The following CELSR1 variants were observed in gnomAD, a reference collection of about 807,000 sequenced individuals.
CELSR1 encodes adhesion G protein-coupled receptor C1.
Under a neutral mutation model 249.1 loss-of-function variants are expected in CELSR1, and 110 were observed. That is an observed-to-expected ratio of 0.44 (90% CI 0.38 to 0.52). The LOEUF is 0.52. Among genes scored for constraint, CELSR1 ranks in the 20% least tolerant of loss-of-function variants. The probability of loss-of-function intolerance (pLI) is 0.00; values close to 1 mark genes in which losing one functional copy is unlikely to be tolerated. For missense variants in CELSR1, 4,109 were observed against 4,296.4 expected (o/e 0.96, Z 1.22); for synonymous variants, 2,113 against 1,900.0 (o/e 1.11, Z -2.92).
Position 46,464,014 on chromosome 22 carries a change from G to T in CELSR1, c.3876C>A (p.Thr1292=). ...EQIYLNRTLL[T]TISTQRVLPF... is the part of the protein sequence containing the mutation. The stretch of plus-strand genomic sequence containing the variant: ...GCAGCACGCGCTGCGTGGAGATGGT[G>T]GTCAGCAGCGTCCGATTCAGGTAGA... Residue 1292 remains threonine, a synonymous_variant, in exon 2 of 35, where the codon ACC becomes ACA. Transcript: ENST00000674500. This position sits in a 1 kb window ranked among gnomAD's most constrained non-coding sequence, Gnocchi z 8.5. The T allele has an allele frequency of 1.2e-6, 2 of 1,613,842 alleles. No individual in the cohort carries two copies. The highest frequency in any genetic ancestry group is 2.7e-5 in the African/African-American group (2 of 75,074).
Position 46,410,155 on chromosome 22 carries a change from C to T in CELSR1, c.4933+243G>A, listed in dbSNP as rs562594551. Among the ~76,000 whole-genome samples, 13 of 152,346 alleles carry T rather than the reference C, an allele frequency of 8.5e-5. No individual in the cohort carries two copies. The highest frequency in any genetic ancestry group is 2.1e-4 in the South Asian group (1 of 4,832). ...CAAGACCCTAGGATCATGTGCGCCT[C>T]GGGTTAGCTGGCTGGGCCAGCAGTG... On this transcript the variant is annotated intron_variant, in intron 7 of 34. Coordinates refer to ENST00000674500, the MANE Select transcript of CELSR1 (RefSeq NM_001378328.1). The surrounding 1 kb of genome is among the most constrained non-coding windows in gnomAD (Gnocchi z 6.8).
intron 1 of CELSR1, among the ~76,000 whole-genome samples, chr22:46,501,104 G>C (rs1318269575): frequency 6.6e-6 from 1 of 151,696 alleles, no homozygotes; most frequent in Non-Finnish European, 1.5e-5. Context: ...CATGATCTCA[G>C]CTCACCGCAA....
chr22:46,536,173 C>T lies in CELSR1; in HGVS notation c.998G>A (p.Arg333His), dbSNP rs1486747954. 1.2e-6 allele frequency: 2 copies of T among 1,612,808 alleles called. No individual in the cohort carries two copies. Among genetic ancestry groups the T allele is most frequent in the Non-Finnish European group, 1.7e-6 (2 of 1,180,012 alleles). ...GACAGTGATGTAGGTGGTGGCCGAG[C>T]GCGGCGGCGTACTGTAGTCCACGGC... ...VKAVDYSTPPRSATTYITVLV... is the reference protein window; with the variant it reads ...VKAVDYSTPPHSATTYITVLV... Residue 333 changes from arginine to histidine, a missense_variant, in exon 1 of 35, where the codon CGC (arginine) becomes CAC (histidine). Arg to His is a conservative substitution (Grantham distance 29, BLOSUM62 0). Transcript: ENST00000674500.
In CELSR1 at chr22:46,397,827, G is replaced by A; in HGVS notation, c.5548C>T (p.Pro1850Ser). 2 of 1,584,458 alleles carry A rather than the reference G, an allele frequency of 1.3e-6. No homozygotes were observed. The highest frequency in any genetic ancestry group is 1.7e-6 in the Non-Finnish European group (2 of 1,163,646). The stretch of plus-strand genomic sequence containing the variant: ...ATGTTCAGGGTGGCGACGTTGGTGG[G>A]CGTCCCCCCCATCCTCACTCCCTGC... ...CMQGVRMGGTPTNVATLNMNN... is the reference protein window; with the variant it reads ...CMQGVRMGGTSTNVATLNMNN... The change falls in exon 12 of 35, where the codon CCC becomes TCC. Residue 1850 changes from proline (P) to serine (S), a missense_variant. This residue lies in a region of CELSR1 where 1,805 missense variants were observed against 1,831.6 expected (regional missense o/e 0.99). Coordinates refer to ENST00000674500, the MANE Select transcript of CELSR1 (RefSeq NM_001378328.1).
chr22:46,478,212 C>T (rs1032308734), intron 1 of CELSR1, among the ~76,000 whole-genome samples: 8 of 152,206 alleles, frequency 5.3e-5, no homozygotes, highest in African/African-American at 1.4e-4. Context: ...CTCCCGACAG[C>T]GCCGTCTGGG....
intron 1 of CELSR1, among the ~76,000 whole-genome samples, chr22:46,465,234 G>A (rs1008185513): frequency 6.6e-6 from 1 of 152,030 alleles, no homozygotes; most frequent in African/African-American, 2.4e-5. Flanking sequence ...GATGTGGGGT[G>A]GGATTTGCAG....
At chr22:46,505,637 T>G (rs1602222233) in intron 1 of CELSR1, among the ~76,000 whole-genome samples, 1 of 152,010 alleles carries the variant, frequency 6.6e-6, no homozygotes, top group Non-Finnish European at 1.5e-5. Context: ...TAAGACCTGG[T>G]CTCAAAATAA....
At chr22:46,376,980 C>T in intron 24 of CELSR1, 81 bp downstream of exon 24, 1 of 1,449,752 alleles carries the variant, frequency 6.9e-7, no homozygotes, top group Non-Finnish European at 9.5e-7. Context: ...AGCCAGGGTG[C>T]TTGGAGTGGC....
chr22:46,491,968 G>C (rs929007965), intron 1 of CELSR1, among the ~76,000 whole-genome samples: 1 of 152,144 alleles, frequency 6.6e-6, no homozygotes, highest in Non-Finnish European at 1.5e-5. Flanking sequence ...TCAGGTAAGT[G>C]ATGTCTTTCC....
chr22:46,434,190 A>T lies in CELSR1; in HGVS notation c.4523-709T>A, dbSNP rs762759725. Among the ~76,000 whole-genome samples, 7 of 152,240 alleles carry T rather than the reference A, an allele frequency of 4.6e-5. No homozygotes were observed. Among genetic ancestry groups the T allele is most frequent in the Non-Finnish European group, 1.0e-4 (7 of 68,040 alleles). On this transcript the variant is annotated intron_variant, in intron 4 of 34. Coordinates refer to ENST00000674500, the MANE Select transcript of CELSR1 (RefSeq NM_001378328.1). This position sits in a 1 kb window ranked among gnomAD's most constrained non-coding sequence, Gnocchi z 4.9. ...GCTTTTAACAACTCTTAAACCACGT[A>T]ACACGTCCCATCGTGAGGTCGCGGA...
chr22:46,439,513 A>C, intron 2 of CELSR1, 102 bp from the exon 3 acceptor site: 1 of 927,884 alleles, frequency 1.1e-6, no homozygotes, highest in Non-Finnish European at 1.6e-6. Context: ...CCACACAGTC[A>C]GCTGCTGAAA....
rs1312798084 is a variant in CELSR1, at chr22:46,490,032, T to C, written c.3545-25687A>G. On this transcript the variant is annotated intron_variant, in intron 1 of 34. Transcript: ENST00000674500. This position sits in a 1 kb window ranked among gnomAD's most constrained non-coding sequence, Gnocchi z 5.2. ...GCCATCTCAGCATCCGCCCCTGCAG[T>C]GGGAACACCTAACGTGGCCACCCCA... 6.6e-6 allele frequency among the ~76,000 whole-genome samples: 1 copy of C among 152,148 alleles called. No individual in the cohort carries two copies. Among genetic ancestry groups the C allele is most frequent in the African/African-American group, 2.4e-5 (1 of 41,440 alleles).
rs2079553303 is a variant in CELSR1, at chr22:46,427,891, T to C, written c.4611+5502A>G. Among the ~76,000 whole-genome samples the C allele has an allele frequency of 6.6e-6, 1 of 152,060 alleles. No individual in the cohort carries two copies. Among genetic ancestry groups the C allele is most frequent in the Non-Finnish European group, 1.5e-5 (1 of 68,002 alleles). On this transcript the variant is annotated intron_variant, in intron 5 of 34. Transcript: ENST00000674500. This position sits in a 1 kb window ranked among gnomAD's most constrained non-coding sequence, Gnocchi z 4.2. The stretch of plus-strand genomic sequence containing the variant: ...CCTCACCCTGACCCAAGTGTCTGGG[T>C]GGAAGTCCTCGAGTTTTTAGAACAT...
In CELSR1 at chr22:46,517,664, G is replaced by C. The variant is rs1466714587; in HGVS notation, c.3544+15963C>G. ...TGCAGGACAGACAGGAAGTCTCACAGAACAATAAACCTTCATATTTTCCAT... is the reference window on the plus strand; with the variant it reads ...TGCAGGACAGACAGGAAGTCTCACACAACAATAAACCTTCATATTTTCCAT... On this transcript the variant is annotated intron_variant, in intron 1 of 34. Coordinates refer to ENST00000674500, the MANE Select transcript of CELSR1 (RefSeq NM_001378328.1). This position sits in a 1 kb window ranked among gnomAD's most constrained non-coding sequence, Gnocchi z 5.4. Among the ~76,000 whole-genome samples, 1 of 152,210 alleles carries C rather than the reference G, an allele frequency of 6.6e-6. No individual in the cohort carries two copies. Among genetic ancestry groups the C allele is most frequent in the African/African-American group, 2.4e-5 (1 of 41,458 alleles).
At chr22:46,504,790 T>G (rs549230551) in intron 1 of CELSR1, among the ~76,000 whole-genome samples, 40 of 152,144 alleles carry the variant, frequency 2.6e-4, no homozygotes, top group Admixed American at 1.2e-3. Flanking sequence ...TAATTTCACT[T>G]CTGAAAATTT....
In CELSR1 at chr22:46,391,366, C is replaced by A. The variant is rs189276966; in HGVS notation, c.6149-79G>T. 1.6e-4 allele frequency: 211 copies of A among 1,281,108 alleles called. No individual in the cohort carries two copies. Among genetic ancestry groups the A allele is most frequent in the Non-Finnish European group, 2.2e-4 (203 of 903,280 alleles). 79.4% of individuals were successfully genotyped at this position (1,281,108 alleles called of 1,614,324 possible). ...ACAAACAGGCACCACTGTCTGCATG[C>A]GCCTCCCTGCAGGAGGCCCTGCTCC... On this transcript the variant is annotated intron_variant, in intron 15 of 34. Coordinates refer to ENST00000674500, the MANE Select transcript of CELSR1 (RefSeq NM_001378328.1). This position sits in a 1 kb window ranked among gnomAD's most constrained non-coding sequence, Gnocchi z 4.3.
chr22:46,397,551 C>T (rs1038231715), intron 12 of CELSR1, 123 bp downstream of exon 12: 32 of 893,324 alleles, frequency 3.6e-5, no homozygotes, highest in African/African-American at 6.9e-5. Context: ...AAATAAAGCT[C>T]AGGGCTCCAC....
chr22:46,502,229 C>A (rs1273150352), intron 1 of CELSR1, among the ~76,000 whole-genome samples: 1 of 146,280 alleles, frequency 6.8e-6, no homozygotes, highest in Non-Finnish European at 1.5e-5. Flanking sequence ...TGCCACTGCA[C>A]TCCAGCCTGG....
chr22:46,363,009 G>A lies in CELSR1; in HGVS notation c.*214C>T. On this transcript the variant is annotated 3_prime_UTR_variant, in exon 35 of 35. Transcript: ENST00000674500. This position sits in a 1 kb window ranked among gnomAD's most constrained non-coding sequence, Gnocchi z 4.3. ...TGGCACTTGTCACCAGGTCTGACAG[G>A]CCCTGAGCTCCTGGGAGAACCAAGA... is the stretch of plus-strand genomic sequence containing the variant. 1 of 952,612 alleles carries A rather than the reference G, an allele frequency of 1.0e-6. No individual in the cohort carries two copies. Among genetic ancestry groups the A allele is most frequent in the Non-Finnish European group, 1.6e-6 (1 of 629,410 alleles). 59.0% of individuals were successfully genotyped at this position (952,612 alleles called of 1,614,324 possible). A position where few individuals can be genotyped will look rare whatever the true frequency, so the allele number is the denominator to read the frequency against.
Sources: gnomAD v4.1 joint callset for allele counts (sites outside exome capture counted in the v4.1 genomes callset) on GRCh38, gnomAD v4.1.1 for gene constraint, gnomAD v4.1.1 regional missense constraint, Gnocchi (gnomAD v3.1) non-coding constraint, MANE v1.5 for transcripts, NCBI Gene and HGNC (gene_info 2026-07-23, HGNC 2026-07-21) for gene names.